Variants in IKZF1 observed in about 807,000 individuals in gnomAD.
The protein encoded by IKZF1 is IKAROS family zinc finger 1.
IKZF1 carries 10 observed loss-of-function variants against 51.7 expected under a neutral mutation model. The ratio of observed to expected loss-of-function variants is 0.19; its 90% CI spans 0.12 to 0.33. The LOEUF (loss-of-function observed/expected upper bound fraction) is 0.33, where lower values mean the gene tolerates loss of function less well. Ranked by LOEUF, IKZF1 falls within the 10% of genes least tolerant of loss-of-function variation. IKZF1 has a pLI of 1.00. For synonymous variants in IKZF1, 280 were observed against 282.3 expected (o/e 0.99, Z 0.08); for missense variants, 484 against 707.5 (o/e 0.68, Z 3.58).
At chr7:50,377,838 A>T (rs1021791417) in intron 4 of IKZF1, among the ~76,000 whole-genome samples, 1 of 152,252 alleles carries the variant, frequency 6.6e-6, no homozygotes, top group Admixed American at 6.5e-5. Flanking sequence ...AACGTGAAAC[A>T]TAGAGACCCT....
At chr7:50,350,281 T>C (rs541177988) in intron 3 of IKZF1, among the ~76,000 whole-genome samples, 1 of 152,360 alleles carries the variant, frequency 6.6e-6, no homozygotes, top group East Asian at 1.9e-4. Context: ...CTCTTTGAGG[T>C]GGAGCCCAGC....
intron 1 of IKZF1, among the ~76,000 whole-genome samples, chr7:50,314,031 G>A (rs7791218): frequency 0.37 from 55,684 of 152,122 alleles, 10,586 homozygotes; most frequent in East Asian, 0.56. Context: ...TAGAGTACCA[G>A]TGGAGAAGGA....
At chr7:50,368,923 G>T in intron 3 of IKZF1, 1 of 221,368 alleles carries the variant, frequency 4.5e-6, no homozygotes, top group Non-Finnish European at 9.0e-6. Context: ...AACAGTTAAA[G>T]ACAGGTGTCT....
intron 3 of IKZF1, among the ~76,000 whole-genome samples, chr7:50,350,671 G>C (rs1801639634): frequency 6.6e-6 from 1 of 152,250 alleles, no homozygotes; most frequent in South Asian, 2.1e-4. Context: ...ATGTGTCACT[G>C]AAGTGTGAAC....
At chr7:50,353,860 G>A (rs1802522083) in intron 3 of IKZF1, among the ~76,000 whole-genome samples, 1 of 152,144 alleles carries the variant, frequency 6.6e-6, no homozygotes. Context: ...GCAGGAAGTT[G>A]CTGTTGTCCC....
intron 5 of IKZF1, among the ~76,000 whole-genome samples, chr7:50,383,791 G>T (rs1192686918): frequency 6.6e-6 from 1 of 152,250 alleles, no homozygotes; most frequent in East Asian, 1.9e-4. Context: ...AGCAGGATAA[G>T]GAGGAGCCTC....
intron 3 of IKZF1, among the ~76,000 whole-genome samples, chr7:50,335,852 G>T (rs1797646898): frequency 6.6e-6 from 1 of 151,922 alleles, no homozygotes; most frequent in African/African-American, 2.4e-5. Context: ...ATGTGGGTAG[G>T]TAGGCCTGGC....
chr7:50,342,674 AAG>A (rs1472752474), intron 3 of IKZF1, among the ~76,000 whole-genome samples: 1 of 151,700 alleles, frequency 6.6e-6, no homozygotes, highest in Non-Finnish European at 1.5e-5. Context: ...CAAAGAGAGA[AAG>A]AGAAGCAGCA....
chr7:50,375,340 C>T (rs1308978595), intron 3 of IKZF1, among the ~76,000 whole-genome samples: 1 of 152,176 alleles, frequency 6.6e-6, no homozygotes, highest in Non-Finnish European at 1.5e-5. Flanking sequence ...GGGAGGATCA[C>T]TTGAGCCCGG....
intron 3 of IKZF1, chr7:50,369,407 A>G (rs1807975225): frequency 2.5e-6 from 1 of 397,576 alleles, no homozygotes; most frequent in East Asian, 3.6e-5. Flanking sequence ...TAATGTTATG[A>G]TAGTTACAGT....
chr7:50,333,321 C>T (rs1413117618), intron 3 of IKZF1, among the ~76,000 whole-genome samples: 11 of 125,088 alleles, frequency 8.8e-5, no homozygotes, highest in Admixed American at 3.0e-4. Flanking sequence ...AAGACCAGCA[C>T]GGTAGTCGGG....
At chr7:50,385,745 G>A (rs1028219211) in intron 5 of IKZF1, among the ~76,000 whole-genome samples, 1 of 152,172 alleles carries the variant, frequency 6.6e-6, no homozygotes, top group Non-Finnish European at 1.5e-5. Context: ...TTCAGGAAAG[G>A]GTATCGAGTG....
intron 3 of IKZF1, chr7:50,368,561 G>A: frequency 1.8e-6 from 1 of 546,522 alleles, no homozygotes. Flanking sequence ...GTTATTCTGT[G>A]GTGCATCGCT....
chr7:50,320,610 G>A (rs1160724991), intron 2 of IKZF1, among the ~76,000 whole-genome samples: 2 of 151,998 alleles, frequency 1.3e-5, no homozygotes, highest in African/African-American at 2.4e-5. Flanking sequence ...GCCTCTATTA[G>A]CCTCTGTCCT....
At chr7:50,320,196 A>G (rs1238731412) in intron 2 of IKZF1, among the ~76,000 whole-genome samples, 1 of 152,180 alleles carries the variant, frequency 6.6e-6, no homozygotes, top group Admixed American at 6.5e-5. Flanking sequence ...TCTTTGTGTA[A>G]TTCTCACATT....
chr7:50,304,087 G>T (rs967307116), upstream of IKZF1: 1 of 145,142 alleles, frequency 6.9e-6, no homozygotes, highest in African/African-American at 2.5e-5. Context: ...GCGGGCGAGC[G>T]GGCTGCAGCC....
intron 4 of IKZF1, among the ~76,000 whole-genome samples, chr7:50,377,949 TA>T (rs1319736948): frequency 5.9e-5 from 9 of 152,224 alleles, no homozygotes; most frequent in Non-Finnish European, 1.3e-4. Flanking sequence ...AATCCTATTT[TA>T]AAGGCCTAGC....
chr7:50,341,761 T>C (rs1799120402), intron 3 of IKZF1, among the ~76,000 whole-genome samples: 1 of 152,214 alleles, frequency 6.6e-6, no homozygotes, highest in African/African-American at 2.4e-5. Context: ...TATTTAAGTA[T>C]GTACTCAATA....
chr7:50,309,390 G>A (rs142414880), intron 1 of IKZF1, among the ~76,000 whole-genome samples: 1 of 152,178 alleles, frequency 6.6e-6, no homozygotes, highest in Non-Finnish European at 1.5e-5. Flanking sequence ...TCCTTTCTTC[G>A]TTTTTTCCTC....
Sources: gnomAD v4.1 joint callset for allele counts (sites outside exome capture counted in the v4.1 genomes callset) on GRCh38, gnomAD v4.1.1 for gene constraint, MANE v1.5 for transcripts, NCBI Gene and HGNC (gene_info 2026-07-23, HGNC 2026-07-21) for gene names.